Variants in DLGAP1 observed in about 807,000 individuals in gnomAD.
The protein encoded by DLGAP1 is DLG associated protein 1.
Under a neutral mutation model 90.8 loss-of-function variants are expected in DLGAP1, and 11 were observed. The ratio of observed to expected loss-of-function variants is 0.12; its 90% CI spans 0.08 to 0.20. The LOEUF (loss-of-function observed/expected upper bound fraction) is 0.20, where lower values mean the gene tolerates loss of function less well. Ranked by LOEUF, DLGAP1 falls within the 10% of genes least tolerant of loss-of-function variation. The pLI is 1.00. For synonymous variants in DLGAP1, 558 were observed against 540.7 expected, an observed-to-expected ratio of 1.03 and a Z score of -0.44; for missense variants, 1,050 against 1,333.8, an observed-to-expected ratio of 0.79 and a Z score of 3.31.
chr18:4,367,567 C>G (rs545519016), intron 1 of DLGAP1, among the ~76,000 whole-genome samples: 2 of 152,126 alleles, frequency 1.3e-5, no homozygotes, highest in Non-Finnish European at 2.9e-5. Context: ...AGGGCACATT[C>G]AGAAATAGTA....
intron 1 of DLGAP1, among the ~76,000 whole-genome samples, chr18:4,447,623 A>C (rs1202356735): frequency 6.6e-6 from 1 of 152,114 alleles, no homozygotes; most frequent in Non-Finnish European, 1.5e-5. Flanking sequence ...AATATTATTT[A>C]ATTTTTGGTG....
At chr18:3,595,284 AAGTT>A (rs2056515348) in intron 7 of DLGAP1, among the ~76,000 whole-genome samples, 1 of 152,190 alleles carries the variant, frequency 6.6e-6, no homozygotes, top group Non-Finnish European at 1.5e-5. Context: ...TTCATTAACT[AAGTT>A]AGCGGAAATT....
intron 5 of DLGAP1, among the ~76,000 whole-genome samples, chr18:3,746,639 C>T (rs966903562): frequency 6.6e-6 from 1 of 151,986 alleles, no homozygotes; most frequent in African/African-American, 2.4e-5. Flanking sequence ...AAAAAATGGT[C>T]AAAGCCTATA....
chr18:3,880,340 C>T (rs140314182), intron 3 of DLGAP1, among the ~76,000 whole-genome samples, 200 bp from the exon 4 acceptor site: 158 of 152,148 alleles, frequency 1.0e-3, no homozygotes, highest in South Asian at 1.7e-3. Flanking sequence ...GGCCCCACCA[C>T]GCTTGGCTAA....
chr18:4,353,103 AGTCAGGAATT>A (rs1167625934), intron 1 of DLGAP1, among the ~76,000 whole-genome samples: 2 of 152,194 alleles, frequency 1.3e-5, no homozygotes, highest in African/African-American at 2.4e-5. Flanking sequence ...ATCTACCGTA[AGTCAGGAATT>A]TGTAGCATTT....
At chr18:4,044,193 T>C (rs1175347555) in intron 2 of DLGAP1, among the ~76,000 whole-genome samples, 2 of 152,222 alleles carry the variant, frequency 1.3e-5, no homozygotes, top group African/African-American at 2.4e-5. Context: ...TGGGTTTCTC[T>C]TTCCTGGAAA....
intron 1 of DLGAP1, among the ~76,000 whole-genome samples, chr18:4,418,867 A>AC (rs200674582): frequency 0.039 from 5,873 of 152,156 alleles, 145 homozygotes; most frequent in Non-Finnish European, 0.064. Flanking sequence ...ACAAAACAAA[A>AC]AAAAAACCTC....
rs1017760236 is a variant in DLGAP1 at position 3,795,004 on chromosome 18, C to T, written c.1172+19055G>A. Among the ~76,000 whole-genome samples the T allele has an allele frequency of 5.3e-5, 8 of 152,304 alleles. No homozygotes were observed. In the South Asian group the frequency reaches 8.3e-4, roughly 16 times the overall value. On this transcript the variant is annotated intron_variant, in intron 5 of 12. Coordinates refer to ENST00000315677, the MANE Select transcript of DLGAP1 (RefSeq NM_004746.4). ...ATATGGAATATCTTAGAGATGCAAA[C>T]GATCCAATGAATACTTATTTATTGG...
chr18:3,913,719 T>C (rs1410485848), intron 3 of DLGAP1, among the ~76,000 whole-genome samples: 1 of 152,234 alleles, frequency 6.6e-6, no homozygotes, highest in Non-Finnish European at 1.5e-5. Context: ...AGTTTCACTC[T>C]TTAGTTATCT....
intron 1 of DLGAP1, among the ~76,000 whole-genome samples, chr18:4,206,099 A>G (rs1008942782): frequency 1.3e-5 from 2 of 152,152 alleles, no homozygotes; most frequent in African/African-American, 2.4e-5. Flanking sequence ...GGAAGACACT[A>G]GAGGAAATTA....
chr18:3,682,574 C>G (rs1306533279), intron 7 of DLGAP1, among the ~76,000 whole-genome samples: 2 of 152,190 alleles, frequency 1.3e-5, no homozygotes, highest in Non-Finnish European at 2.9e-5. Flanking sequence ...ATTTATGAGT[C>G]AGAAGGCCTA....
chr18:4,396,726 C>G (rs543214302), intron 1 of DLGAP1, among the ~76,000 whole-genome samples: 9 of 152,126 alleles, frequency 5.9e-5, no homozygotes, highest in Non-Finnish European at 1.0e-4. Context: ...CCTCCTATAT[C>G]TTTTTACCAC....
At chr18:4,226,487 T>C (rs775404474) in intron 1 of DLGAP1, among the ~76,000 whole-genome samples, 16 of 151,848 alleles carry the variant, frequency 1.1e-4, no homozygotes, top group Admixed American at 2.0e-4. Flanking sequence ...CTACAAAAAC[T>C]TTTCAAGGCA....
chr18:4,082,510 C>CAAAAAAAAAAAAAAGA (rs2075624530), intron 2 of DLGAP1, among the ~76,000 whole-genome samples: 1 of 52,090 alleles, frequency 1.9e-5, no homozygotes, highest in Admixed American at 3.7e-4. Flanking sequence ...GACTTTGTCT[C>CAAAAAAAAAAAAAAGA]AAAAAAAAAA....
At chr18:3,836,011 T>G (rs900638644) in intron 4 of DLGAP1, among the ~76,000 whole-genome samples, 1 of 152,212 alleles carries the variant, frequency 6.6e-6, no homozygotes, top group Non-Finnish European at 1.5e-5. Context: ...TATAGCAACC[T>G]GCCAAAAATG....
chr18:4,194,982 T>C (rs1225023577), intron 1 of DLGAP1, among the ~76,000 whole-genome samples: 2 of 152,228 alleles, frequency 1.3e-5, no homozygotes, highest in African/African-American at 4.8e-5. Context: ...AATACATTAT[T>C]GTTGACTATG....
At chr18:3,764,584 T>C (rs1049879444) in intron 5 of DLGAP1, among the ~76,000 whole-genome samples, 1 of 152,260 alleles carries the variant, frequency 6.6e-6, no homozygotes, top group East Asian at 1.9e-4. Context: ...TTAATACATC[T>C]ATGCTGTTTT....
At chr18:4,136,999 A>T (rs1301066563) in intron 2 of DLGAP1, among the ~76,000 whole-genome samples, 2 of 152,112 alleles carry the variant, frequency 1.3e-5, no homozygotes, top group Non-Finnish European at 2.9e-5. Flanking sequence ...TGCTGCACCC[A>T]TTAACTCGTC....
chr18:4,263,266 A>G (rs2079038713), intron 1 of DLGAP1, among the ~76,000 whole-genome samples: 1 of 152,182 alleles, frequency 6.6e-6, no homozygotes, highest in African/African-American at 2.4e-5. Context: ...GCATTTTCAT[A>G]CTGAGTGGTT....
Sources: gnomAD v4.1 joint callset for allele counts (sites outside exome capture counted in the v4.1 genomes callset) on GRCh38, gnomAD v4.1.1 for gene constraint, MANE v1.5 for transcripts, NCBI Gene and HGNC (gene_info 2026-07-23, HGNC 2026-07-21) for gene names.